The following ZPLD1 variants were observed in gnomAD, a reference collection of about 807,000 sequenced individuals.
The protein encoded by ZPLD1 is zona pellucida-like domain-containing protein 1.
In ZPLD1, 34 loss-of-function variants were observed where a neutral mutation model predicts 47.2. The observed-to-expected ratio is 0.72, with a 90% CI of 0.55 to 0.96. The LOEUF (loss-of-function observed/expected upper bound fraction) is 0.96. ZPLD1 is among the 40% of genes least tolerant of loss of function. The pLI is 0.00. For missense variants in ZPLD1, 512 were observed against 505.8 expected (o/e 1.01, Z -0.12); for synonymous variants, 176 against 186.2 (o/e 0.95, Z 0.45).
At chr3:102,437,397 T>C (rs914778489) in intron 2 of ZPLD1, among the ~76,000 whole-genome samples, 2 of 152,258 alleles carry the variant, frequency 1.3e-5, no homozygotes, top group Non-Finnish European at 2.9e-5. Flanking sequence ...AAGATGTGTT[T>C]CCTTCCTTTT....
At chr3:102,465,853 A>G (rs1707583533) in intron 8 of ZPLD1, among the ~76,000 whole-genome samples, 1 of 152,214 alleles carries the variant, frequency 6.6e-6, no homozygotes, top group South Asian at 2.1e-4. Context: ...AAAATGTTGT[A>G]AAAAGCAGTG....
intron 7 of ZPLD1, among the ~76,000 whole-genome samples, chr3:102,417,343 G>T (rs1234263180): frequency 5.9e-5 from 9 of 151,940 alleles, no homozygotes. Context: ...CTTCACTACG[G>T]CCAAAACATC....
At chr3:102,435,175 T>A in intron 1 of ZPLD1, 21 bp downstream of exon 1, 1 of 1,613,868 alleles carries the variant, frequency 6.2e-7, no homozygotes, top group Admixed American at 1.7e-5. Context: ...GGATGGGAAA[T>A]TTGCAAGATA....
chr3:102,479,688 T>A lies in ZPLD1; in HGVS notation c.*2070T>A, dbSNP rs1707811440. On this transcript the variant is annotated 3_prime_UTR_variant, in exon 12 of 12. Coordinates refer to ENST00000466937, the MANE Select transcript of ZPLD1 (RefSeq NM_001329788.2). ...AGTTATATGGAGTATTTAGTTATAC[T>A]GAATTTTACAGTTATTATAGTGTGA... 1 of 152,214 alleles carries A rather than the reference T, an allele frequency of 6.6e-6. No individual in the cohort carries two copies. Among genetic ancestry groups the A allele is most frequent in the African/African-American group, 2.4e-5 (1 of 41,464 alleles). 9.4% of individuals were successfully genotyped at this position (152,214 alleles called of 1,614,324 possible).
At chr3:102,473,693 A>G (rs1199983654) in intron 10 of ZPLD1, among the ~76,000 whole-genome samples, 1 of 152,238 alleles carries the variant, frequency 6.6e-6, no homozygotes, top group Non-Finnish European at 1.5e-5. Context: ...ACATTGTAAT[A>G]CTATGATATC....
chr3:102,420,731 T>A (rs1016442499), intron 8 of ZPLD1, among the ~76,000 whole-genome samples: 3 of 151,880 alleles, frequency 2.0e-5, no homozygotes, highest in African/African-American at 7.2e-5. Context: ...CATTTTAATT[T>A]TCTGGAACTC....
chr3:102,398,303 A>G (rs557781009), intron 7 of ZPLD1, among the ~76,000 whole-genome samples: 5 of 152,106 alleles, frequency 3.3e-5, no homozygotes, highest in Non-Finnish European at 5.9e-5. Context: ...TTCACATACC[A>G]TATTTGAATA....
intron 10 of ZPLD1, among the ~76,000 whole-genome samples, chr3:102,475,060 C>T (rs1365848549): frequency 6.6e-6 from 1 of 151,736 alleles, no homozygotes; most frequent in Admixed American, 6.6e-5. Context: ...TAAAGCAATT[C>T]TCTCTACCTT....
intron 7 of ZPLD1, among the ~76,000 whole-genome samples, chr3:102,406,581 G>A (rs1706688026): frequency 6.6e-6 from 1 of 151,802 alleles, no homozygotes; most frequent in Non-Finnish European, 1.5e-5. Flanking sequence ...CAAATATATC[G>A]ATTATGGTTA....
In ZPLD1 at chr3:102,466,941, T is replaced by TA. The variant is rs75020127; in HGVS notation, c.762-2014dup. Among the ~76,000 whole-genome samples the TA allele has an allele frequency of 2.1e-3, 320 of 151,072 alleles. 2 individuals are homozygous for TA. The highest frequency in any genetic ancestry group is 3.4e-3 in the Non-Finnish European group (230 of 67,644). On this transcript the variant is annotated intron_variant, in intron 8 of 11. Coordinates refer to ENST00000466937, the MANE Select transcript of ZPLD1 (RefSeq NM_001329788.2). ...ATAATCCAGGAACACTTTCCTAAAT[T>TA]AAAAAAAAATCTTACATTGATATAA... is the stretch of plus-strand genomic sequence containing the variant.
chr3:102,462,355 C>T lies in ZPLD1; in HGVS notation c.657C>T (p.Val219=). ...LPLKTKVFAA[V]QATNLDGRWN... is the part of the protein sequence containing the mutation. ...TGAAAACCAAAGTATTTGCAGCTGT[C>T]CAAGCCACTAATTTGGATGGCAGGT... The change falls in exon 7 of 12, where the codon GTC becomes GTT. Residue 219 remains valine (V), a synonymous_variant. Transcript: ENST00000466937. 1.2e-6 allele frequency: 2 copies of T among 1,608,220 alleles called. No homozygotes were observed. The highest frequency in any genetic ancestry group is 2.2e-5 in the East Asian group (1 of 44,518).
In ZPLD1 at chr3:102,470,396, T is replaced by A; in HGVS notation, c.936T>A (p.Ile312=). 1 of 1,613,938 alleles carries A rather than the reference T, an allele frequency of 6.2e-7. No individual in the cohort carries two copies. Among genetic ancestry groups the A allele is most frequent in the South Asian group, 1.1e-5 (1 of 91,060 alleles). ...ATTTGTTTTCATTAACACCTCAGAT[T>A]TGCAGCCACAGAGAAAGGAGAGATG... ...RADDCPFLMP[I]CSHRERRDAG... Residue 312 remains isoleucine, a splice_region_variant and synonymous_variant, in exon 10 of 12, where the codon ATT becomes ATA. Coordinates refer to ENST00000466937, the MANE Select transcript of ZPLD1 (RefSeq NM_001329788.2).
intron 3 of ZPLD1, among the ~76,000 whole-genome samples, chr3:102,445,727 C>T (rs892791): frequency 0.14 from 21,994 of 152,118 alleles, 2,109 homozygotes; most frequent in Middle Eastern, 0.24. Context: ...GTTACAAAAC[C>T]ACACAGTATT....
chr3:102,455,274 T>C (rs926421813), intron 4 of ZPLD1, among the ~76,000 whole-genome samples: 1 of 152,226 alleles, frequency 6.6e-6, no homozygotes, highest in Non-Finnish European at 1.5e-5. Context: ...TCGAAGAAGC[T>C]AGAAGAACTC....
At chr3:102,415,785 C>G (rs1327341348) in intron 7 of ZPLD1, among the ~76,000 whole-genome samples, 2 of 151,740 alleles carry the variant, frequency 1.3e-5, no homozygotes, top group Admixed American at 6.6e-5. Flanking sequence ...GTAATTCAGT[C>G]ATTGAGAGTT....
chr3:102,475,469 TA>T (rs1378505347), intron 10 of ZPLD1, among the ~76,000 whole-genome samples: 1 of 151,948 alleles, frequency 6.6e-6, no homozygotes, highest in Non-Finnish European at 1.5e-5. Flanking sequence ...GTGTGATTTC[TA>T]AAAAAAAGAA....
chr3:102,441,499 A>G (rs566153322), intron 3 of ZPLD1, among the ~76,000 whole-genome samples: 2 of 152,184 alleles, frequency 1.3e-5, no homozygotes, highest in Non-Finnish European at 2.9e-5. Flanking sequence ...AGTGTATTCT[A>G]TCATTTTCTT....
Position 102,470,386 on chromosome 3 carries a change from C to T in ZPLD1, c.934-8C>T. ...GTGGAATTTCATTTGTTTTCATTAA[C>T]ACCTCAGATTTGCAGCCACAGAGAA... On this transcript the variant is annotated splice_polypyrimidine_tract_variant and splice_region_variant and intron_variant, in intron 9 of 11. Transcript: ENST00000466937. 3 of 1,611,344 alleles carry T rather than the reference C, an allele frequency of 1.9e-6. No homozygotes were observed. The South Asian group carries it at 3.3e-5, about 18-fold the overall frequency.
intron 6 of ZPLD1, among the ~76,000 whole-genome samples, chr3:102,387,301 C>T (rs1299635684): frequency 6.6e-6 from 1 of 152,052 alleles, no homozygotes; most frequent in African/African-American, 2.4e-5. Context: ...TGTATTTTAC[C>T]TATAGATTAG....
Sources: gnomAD v4.1 joint callset for allele counts (sites outside exome capture counted in the v4.1 genomes callset) on GRCh38, gnomAD v4.1.1 for gene constraint, MANE v1.5 for transcripts, NCBI Gene and HGNC (gene_info 2026-07-23, HGNC 2026-07-21) for gene names.